CCNJL: variants seen among roughly 807,000 people sequenced by gnomAD.
The protein encoded by CCNJL is cyclin J like, also known as cyclin-J-like protein.
CCNJL carries 33 observed loss-of-function variants against 33.4 expected under a neutral mutation model. The observed-to-expected ratio is 0.99, with a 90% confidence interval of 0.75 to 1.32. CCNJL has a LOEUF of 1.32. Among genes scored for constraint, CCNJL ranks in the 40% most tolerant of loss-of-function variants. CCNJL has a pLI of 0.00. For synonymous variants in CCNJL, 227 were observed against 220.9 expected (o/e 1.03, Z -0.24); for missense variants, 512 against 499.7 (o/e 1.02, Z -0.23).
intron 4 of CCNJL, chr5:160,258,295 G>A (rs1223664599): frequency 1.3e-6 from 1 of 744,758 alleles, no homozygotes; most frequent in South Asian, 1.4e-5. Context: ...CAAGTGGCTG[G>A]ATGGTATTCG....
chr5:160,286,849 A>G (rs1677653047), intron 2 of CCNJL, among the ~76,000 whole-genome samples: 1 of 152,062 alleles, frequency 6.6e-6, no homozygotes, highest in Non-Finnish European at 1.5e-5. Context: ...TCACTTCCTA[A>G]GACTTCTCTG....
At chr5:160,282,974 T>TATATATATATATATAC (rs1762269282) in intron 2 of CCNJL, among the ~76,000 whole-genome samples, 1 of 45,946 alleles carries the variant, frequency 2.2e-5, no homozygotes, top group Admixed American at 2.3e-4. Flanking sequence ...GGAATATATA[T>TATATATATATATATAC]ATATATATAT....
At chr5:160,329,350 C>CTTT (rs1164893806) in intron 1 of CCNJL, among the ~76,000 whole-genome samples, 2 of 133,040 alleles carry the variant, frequency 1.5e-5, no homozygotes, top group African/African-American at 2.8e-5. Flanking sequence ...AGGAAGTCTT[C>CTTT]TTTTTTTTTT....
intron 2 of CCNJL, among the ~76,000 whole-genome samples, chr5:160,292,635 G>A (rs1222161450): frequency 6.6e-6 from 1 of 151,664 alleles, no homozygotes; most frequent in African/African-American, 2.4e-5. Context: ...GTATGTATAT[G>A]TGTGTGTGTA....
At chr5:160,323,531 A>C (rs1007687906) in intron 1 of CCNJL, among the ~76,000 whole-genome samples, 1 of 152,186 alleles carries the variant, frequency 6.6e-6, no homozygotes, top group Non-Finnish European at 1.5e-5. Context: ...TTCTCTGTGC[A>C]TTGTAAACAA....
intron 2 of CCNJL, among the ~76,000 whole-genome samples, chr5:160,283,004 T>TATATATAC (rs1762285960): frequency 1.7e-5 from 1 of 57,660 alleles, no homozygotes; most frequent in Non-Finnish European, 3.1e-5. Flanking sequence ...TATATATATA[T>TATATATAC]ATATACATAT....
chr5:160,261,667 G>A (rs753136078), intron 3 of CCNJL, among the ~76,000 whole-genome samples: 3 of 150,906 alleles, frequency 2.0e-5, no homozygotes, highest in Non-Finnish European at 2.9e-5. Flanking sequence ...ATCCAGCCAC[G>A]TGGGACTCCA....
At chr5:160,276,810 G>A (rs1436125051) in intron 3 of CCNJL, among the ~76,000 whole-genome samples, 2 of 151,912 alleles carry the variant, frequency 1.3e-5, no homozygotes, top group Non-Finnish European at 1.5e-5. Flanking sequence ...TTGAGACAGA[G>A]TCTTGTTCTG....
At chr5:160,265,606 T>C (rs777577963) in intron 3 of CCNJL, among the ~76,000 whole-genome samples, 10 of 148,820 alleles carry the variant, frequency 6.7e-5, no homozygotes, top group Non-Finnish European at 1.2e-4. Context: ...CTGCACTCCA[T>C]CCTGGGCAAC....
intron 3 of CCNJL, among the ~76,000 whole-genome samples, chr5:160,276,612 TG>T (rs1311259786): frequency 6.6e-6 from 1 of 151,972 alleles, no homozygotes; most frequent in African/African-American, 2.4e-5. Context: ...CTGCCAGAGC[TG>T]GGGGATAGGA....
chr5:160,329,937 C>T (rs1216066907), intron 1 of CCNJL, among the ~76,000 whole-genome samples: 1 of 152,114 alleles, frequency 6.6e-6, no homozygotes, highest in Non-Finnish European at 1.5e-5. Flanking sequence ...GGAGAGACCA[C>T]CACCCTCTCT....
At chr5:160,308,244 TC>T (rs1055249125) in intron 2 of CCNJL, among the ~76,000 whole-genome samples, 1 of 152,226 alleles carries the variant, frequency 6.6e-6, no homozygotes, top group Non-Finnish European at 1.5e-5. Context: ...CTCACACTGT[TC>T]TTAAGTTATC....
chr5:160,299,461 C>T (rs1344349449), intron 2 of CCNJL, among the ~76,000 whole-genome samples: 1 of 151,428 alleles, frequency 6.6e-6, no homozygotes, highest in Admixed American at 6.6e-5. Context: ...TTAAAAGACG[C>T]TAAAAAAAAA....
At chr5:160,263,915 A>C (rs1761455217) in intron 3 of CCNJL, among the ~76,000 whole-genome samples, 1 of 150,050 alleles carries the variant, frequency 6.7e-6, no homozygotes, top group African/African-American at 2.4e-5. Context: ...ATTGTCCTAA[A>C]TTGGAACAGC....
chr5:160,271,011 G>A (rs1761815716), intron 3 of CCNJL, among the ~76,000 whole-genome samples: 1 of 152,160 alleles, frequency 6.6e-6, no homozygotes, highest in Non-Finnish European at 1.5e-5. Flanking sequence ...TTCCTGTCTA[G>A]ACACCACAAT....
At chr5:160,273,347 A>C (rs1761903227) in intron 3 of CCNJL, among the ~76,000 whole-genome samples, 3 of 152,172 alleles carry the variant, frequency 2.0e-5, no homozygotes, top group African/African-American at 7.2e-5. Context: ...AGCTTCTCTA[A>C]CAGAGGCTTT....
chr5:160,264,942 GAA>G lies in CCNJL; in HGVS notation c.281-5173_281-5172del, dbSNP rs1384826355. ...TCATTTTAGAAAATTTTAAATATAC[GAA>G]AAGAGAGAGAGAAATGTTACTATAA... On this transcript the variant is annotated intron_variant, in intron 3 of 5. Coordinates refer to ENST00000257536, the MANE Select transcript of CCNJL (RefSeq NM_001308173.3). 3.3e-5 allele frequency among the ~76,000 whole-genome samples: 5 copies of G among 151,992 alleles called. 1 individual carries two copies. The East Asian group carries it at 5.8e-4, about 18-fold the overall frequency.
intron 2 of CCNJL, chr5:160,295,012 C>A (rs76011409): frequency 6.6e-6 from 1 of 152,280 alleles, no homozygotes; most frequent in Non-Finnish European, 1.5e-5. Context: ...ACCACTACCC[C>A]CTCGCTGCGA....
At chr5:160,275,230 G>A (rs948919380) in intron 3 of CCNJL, among the ~76,000 whole-genome samples, 6 of 151,788 alleles carry the variant, frequency 4.0e-5, no homozygotes, top group African/African-American at 1.4e-4. Context: ...GATTACAGGT[G>A]CGTGCCACCA....
Sources: gnomAD v4.1 joint callset for allele counts (sites outside exome capture counted in the v4.1 genomes callset) on GRCh38, gnomAD v4.1.1 for gene constraint, MANE v1.5 for transcripts, NCBI Gene and HGNC (gene_info 2026-07-23, HGNC 2026-07-21) for gene names.